The following NAA11 variants were observed in gnomAD, a reference collection of about 807,000 sequenced individuals.
The protein encoded by NAA11 is N-alpha-acetyltransferase 11.
Under a neutral mutation model 16.1 loss-of-function variants are expected in NAA11, and 15 were observed. The observed-to-expected ratio is 0.93, with a 90% confidence interval of 0.62 to 1.44. The LOEUF (loss-of-function observed/expected upper bound fraction) is 1.44. NAA11 is among the 40% of genes most tolerant of loss of function. The pLI, the probability that NAA11 is intolerant of heterozygous loss-of-function variation, is 0.00. For missense variants in NAA11, 298 were observed against 291.3 expected (o/e 1.02, Z -0.17); for synonymous variants, 122 against 112.4 (o/e 1.09, Z -0.54).
At chr4:79,275,781 C>T (rs1045173366) in intron 2 of NAA11, among the ~76,000 whole-genome samples, 5 of 151,992 alleles carry the variant, frequency 3.3e-5, no homozygotes, top group African/African-American at 1.2e-4. Context: ...AGTGAAAGGG[C>T]TTCAATAAAA....
chr4:79,228,718 A>T (rs770961973), intron 2 of NAA11, among the ~76,000 whole-genome samples: 1 of 151,956 alleles, frequency 6.6e-6, no homozygotes, highest in Non-Finnish European at 1.5e-5. Flanking sequence ...TATTTGGAGA[A>T]TATTTGGTTT....
chr4:79,274,777 C>A (rs1722608114), intron 2 of NAA11, among the ~76,000 whole-genome samples: 1 of 152,050 alleles, frequency 6.6e-6, no homozygotes, highest in Non-Finnish European at 1.5e-5. Flanking sequence ...GTGTGTTTGG[C>A]ATGACTAAGC....
chr4:79,322,880 A>T (rs975699319), intron 1 of NAA11, among the ~76,000 whole-genome samples: 1 of 152,182 alleles, frequency 6.6e-6, no homozygotes, highest in Non-Finnish European at 1.5e-5. Context: ...CTTTCTAACC[A>T]CCAAAGACTT....
chr4:79,166,449 T>C, the NAA11 span, among the ~76,000 whole-genome samples: 1 of 151,338 alleles, frequency 6.6e-6, no homozygotes, highest in Non-Finnish European at 1.5e-5. Context: ...CTCAAAGTCC[T>C]AGACTGATCC....
chr4:79,183,411 G>A, the NAA11 span, among the ~76,000 whole-genome samples: 1 of 145,860 alleles, frequency 6.9e-6, no homozygotes, highest in Non-Finnish European at 1.5e-5. Context: ...AGAAATAGTG[G>A]GGCCTAAAAA....
At chr4:79,212,843 T>C in the NAA11 span, among the ~76,000 whole-genome samples, 3 of 152,008 alleles carry the variant, frequency 2.0e-5, no homozygotes, top group African/African-American at 7.2e-5. Context: ...TCTTCACAGT[T>C]TCAGGCATGC....
chr4:79,179,180 CGT>C, the NAA11 span, among the ~76,000 whole-genome samples: 1 of 152,016 alleles, frequency 6.6e-6, no homozygotes, highest in African/African-American at 2.4e-5. Flanking sequence ...TATTTTTTGA[CGT>C]ATGATATTCT....
At chr4:79,189,719 T>C in the NAA11 span, among the ~76,000 whole-genome samples, 4 of 152,216 alleles carry the variant, frequency 2.6e-5, no homozygotes, top group African/African-American at 9.6e-5. Context: ...TGCCATCCCC[T>C]ATCTGAATAC....
At chr4:79,178,206 A>C in the NAA11 span, among the ~76,000 whole-genome samples, 1 of 152,174 alleles carries the variant, frequency 6.6e-6, no homozygotes, top group Admixed American at 6.5e-5. Context: ...TCCATATTTA[A>C]TGGTAAGGCA....
At chr4:79,292,667 A>G (rs1357914211) in intron 2 of NAA11, among the ~76,000 whole-genome samples, 1 of 152,224 alleles carries the variant, frequency 6.6e-6, no homozygotes, top group East Asian at 1.9e-4. Flanking sequence ...GCTTTTCCAG[A>G]TGGGAATTAG....
At chr4:79,310,291 TA>T in intron 1 of NAA11, among the ~76,000 whole-genome samples, 2 of 152,344 alleles carry the variant, frequency 1.3e-5, no homozygotes, top group South Asian at 4.1e-4. Context: ...ACTCAACAAC[TA>T]AAAAGGAAGT....
the NAA11 span, among the ~76,000 whole-genome samples, chr4:79,166,314 T>C: frequency 6.6e-6 from 1 of 152,038 alleles, no homozygotes; most frequent in African/African-American, 2.4e-5. Flanking sequence ...TAGAATTTCT[T>C]ACAGTGCACA....
chr4:79,186,387 A>G, the NAA11 span, among the ~76,000 whole-genome samples: 2 of 152,176 alleles, frequency 1.3e-5, no homozygotes, highest in Non-Finnish European at 2.9e-5. Flanking sequence ...CAACAGGAAT[A>G]TTGGAGTTGA....
intron 2 of NAA11, among the ~76,000 whole-genome samples, chr4:79,257,519 C>A (rs1473010222): frequency 6.6e-6 from 1 of 152,036 alleles, no homozygotes; most frequent in East Asian, 1.9e-4. Context: ...TAAGAGGATT[C>A]TCTTTGCCTA....
chr4:79,229,252 T>C (rs1721401888), intron 2 of NAA11, among the ~76,000 whole-genome samples: 1 of 151,942 alleles, frequency 6.6e-6, no homozygotes, highest in South Asian at 2.1e-4. Context: ...GCAGGAGATA[T>C]GAGTTGATAT....
the NAA11 span, among the ~76,000 whole-genome samples, chr4:79,184,714 T>C: frequency 6.6e-6 from 1 of 152,186 alleles, no homozygotes; most frequent in Non-Finnish European, 1.5e-5. Context: ...AGTTTTACGC[T>C]AGGAACTCCC....
the NAA11 span, among the ~76,000 whole-genome samples, chr4:79,177,810 G>A: frequency 6.6e-6 from 1 of 152,084 alleles, no homozygotes; most frequent in South Asian, 2.1e-4. Flanking sequence ...TCCCTCACAT[G>A]AATTAAGAGG....
chr4:79,233,920 G>T (rs1025439376), intron 2 of NAA11, among the ~76,000 whole-genome samples: 9 of 151,994 alleles, frequency 5.9e-5, no homozygotes, highest in African/African-American at 2.2e-4. Flanking sequence ...ATATTTCTGG[G>T]ATGTCTGGTG....
rs568790176 is a variant in NAA11 at position 79,317,250 on chromosome 4, G to C, written c.*554C>G. 17 of 152,214 alleles carry C rather than the reference G, an allele frequency of 1.1e-4. No individual in the cohort carries two copies. Among genetic ancestry groups the C allele is most frequent in the East Asian group, 9.7e-4 (5 of 5,174 alleles). The allele number at this position is 152,214 out of a possible 1,614,324, so 9.4% of individuals were successfully genotyped here. ...GCCCTCCTCCTCAAAAAAAAGGGAG[G>C]GGGGAATAGTATAAAGGAGGAGTTA... On this transcript the variant is annotated 3_prime_UTR_variant, in exon 2 of 2. Transcript: ENST00000286794.
Sources: gnomAD v4.1 joint callset for allele counts (sites outside exome capture counted in the v4.1 genomes callset) on GRCh38, gnomAD v4.1.1 for gene constraint, MANE v1.5 for transcripts, NCBI Gene and HGNC (gene_info 2026-07-23, HGNC 2026-07-21) for gene names.